The following FHIT variants were observed in gnomAD, a reference collection of about 807,000 sequenced individuals.
FHIT encodes the protein fragile histidine triad diadenosine triphosphatase.
In FHIT, 19 loss-of-function variants were observed where a neutral mutation model predicts 17.9. That is an observed-to-expected ratio of 1.06 (90% CI 0.74 to 1.56). The LOEUF (loss-of-function observed/expected upper bound fraction) is 1.56. Among genes scored for constraint, FHIT ranks in the 40% most tolerant of loss-of-function variants. The pLI, the probability that FHIT is intolerant of heterozygous loss-of-function variation, is 0.00. For synonymous variants in FHIT, 81 were observed against 69.7 expected (o/e 1.16, Z -0.81); for missense variants, 248 against 189.2 (o/e 1.31, Z -1.82).
At chr3:61,186,550 C>T (rs80253929) in intron 2 of FHIT, among the ~76,000 whole-genome samples, 5,266 of 152,248 alleles carry the variant, frequency 0.035, 128 homozygotes, top group Non-Finnish European at 0.048. Flanking sequence ...AGGTGAGAGG[C>T]TATGAGGATC....
chr3:60,096,091 C>T (rs1703936509), intron 5 of FHIT, among the ~76,000 whole-genome samples: 1 of 152,212 alleles, frequency 6.6e-6, no homozygotes, highest in South Asian at 2.1e-4. Flanking sequence ...GCCCAGGCCT[C>T]ACTCGGCCAT....
rs796455595 is a variant in FHIT at position 60,441,793 on chromosome 3, T to A, written c.103+95067A>T. The stretch of plus-strand genomic sequence containing the variant: ...ATTTATATGTATAAAAATATATATA[T>A]ATATATATATATATATATATATCAG... On this transcript the variant is annotated intron_variant, in intron 5 of 9. Coordinates refer to ENST00000492590, the MANE Select transcript of FHIT (RefSeq NM_002012.4). 4.1e-3 allele frequency among the ~76,000 whole-genome samples: 451 copies of A among 111,084 alleles called. 6 individuals are homozygous for A. Among genetic ancestry groups the A allele is most frequent in the East Asian group, 0.031 (69 of 2,206 alleles). 72.9% of individuals were successfully genotyped at this position (111,084 alleles called of 152,430 possible).
intron 4 of FHIT, among the ~76,000 whole-genome samples, chr3:60,611,472 T>A (rs533290014): frequency 4.7e-4 from 72 of 152,180 alleles, no homozygotes; most frequent in African/African-American, 1.7e-3. Context: ...CATGCAAAAA[T>A]TCAAAAAACT....
chr3:59,908,181 G>A (rs932247036), intron 8 of FHIT, among the ~76,000 whole-genome samples: 1 of 152,226 alleles, frequency 6.6e-6, no homozygotes, highest in Non-Finnish European at 1.5e-5. Context: ...CTGACTCACT[G>A]CAAGCCATCC....
At chr3:60,035,789 A>ACTCAGAACTAC (rs1701191642) in intron 5 of FHIT, among the ~76,000 whole-genome samples, 1 of 152,174 alleles carries the variant, frequency 6.6e-6, no homozygotes, top group Admixed American at 6.5e-5. Context: ...TTTGCTATGT[A>ACTCAGAACTAC]TTTCCTCATA....
At chr3:60,625,018 C>G (rs1309700078) in intron 4 of FHIT, among the ~76,000 whole-genome samples, 1 of 152,158 alleles carries the variant, frequency 6.6e-6, no homozygotes, top group East Asian at 1.9e-4. Flanking sequence ...AAGCAATCCT[C>G]CCACTTCAGC....
chr3:61,157,361 A>G (rs1292377723), intron 2 of FHIT, among the ~76,000 whole-genome samples: 2 of 152,294 alleles, frequency 1.3e-5, no homozygotes, highest in East Asian at 3.9e-4. Context: ...ACCATCCTGC[A>G]AATTCACTTC....
chr3:60,291,707 T>C (rs191458352), intron 5 of FHIT, among the ~76,000 whole-genome samples: 14 of 152,306 alleles, frequency 9.2e-5, no homozygotes, highest in African/African-American at 2.9e-4. Context: ...TTCCACTTCC[T>C]GTGTCAAAAT....
intron 5 of FHIT, among the ~76,000 whole-genome samples, chr3:60,105,777 A>G (rs1704382127): frequency 6.6e-6 from 1 of 152,180 alleles, no homozygotes; most frequent in African/African-American, 2.4e-5. Context: ...AAAGCCCATC[A>G]TGAAGTATTT....
chr3:60,928,174 A>G (rs1306558977), intron 3 of FHIT, among the ~76,000 whole-genome samples: 1 of 152,132 alleles, frequency 6.6e-6, no homozygotes, highest in Non-Finnish European at 1.5e-5. Context: ...ACACTGCAGA[A>G]GGCCACAGGG....
chr3:60,139,654 G>A (rs964969975), intron 5 of FHIT, among the ~76,000 whole-genome samples: 2 of 152,048 alleles, frequency 1.3e-5, no homozygotes, highest in Non-Finnish European at 2.9e-5. Flanking sequence ...GGGAAAGGAG[G>A]GGCTATTCCA....
chr3:61,215,654 C>T (rs988248293), intron 1 of FHIT, among the ~76,000 whole-genome samples: 2 of 152,148 alleles, frequency 1.3e-5, no homozygotes, highest in Non-Finnish European at 2.9e-5. Flanking sequence ...CTTTAAAGTT[C>T]ATATGGAACC....
At chr3:60,757,793 T>A (rs1157293220) in intron 4 of FHIT, among the ~76,000 whole-genome samples, 1 of 152,118 alleles carries the variant, frequency 6.6e-6, no homozygotes, top group Non-Finnish European at 1.5e-5. Context: ...GGGAACAACA[T>A]GAACAGATTG....
intron 4 of FHIT, among the ~76,000 whole-genome samples, chr3:60,678,037 T>G (rs1276268251): frequency 6.6e-6 from 1 of 152,200 alleles, no homozygotes; most frequent in African/African-American, 2.4e-5. Context: ...CTGACTTTTA[T>G]TTGGATCTTT....
chr3:60,097,000 G>A (rs1703977219), intron 5 of FHIT, among the ~76,000 whole-genome samples: 1 of 140,852 alleles, frequency 7.1e-6, no homozygotes, highest in South Asian at 2.4e-4. Flanking sequence ...GGCCAACACA[G>A]TGAGACCCTA....
intron 4 of FHIT, among the ~76,000 whole-genome samples, chr3:60,575,135 G>A (rs931287959): frequency 2.6e-5 from 4 of 151,538 alleles, no homozygotes; most frequent in African/African-American, 4.8e-5. Flanking sequence ...AGGCAAGGCA[G>A]TAAGTAATAA....
intron 5 of FHIT, among the ~76,000 whole-genome samples, chr3:60,435,863 T>C (rs1389260898): frequency 6.6e-6 from 1 of 152,070 alleles, no homozygotes; most frequent in Non-Finnish European, 1.5e-5. Context: ...TATGTGTCCA[T>C]GTGTTCTCAT....
chr3:61,060,772 T>A (rs781179107), intron 2 of FHIT, among the ~76,000 whole-genome samples: 2 of 152,198 alleles, frequency 1.3e-5, no homozygotes, highest in Non-Finnish European at 2.9e-5. Context: ...CAGATTAAGC[T>A]CCAGATGGAA....
chr3:60,927,002 C>G (rs926701919), intron 3 of FHIT, among the ~76,000 whole-genome samples: 2 of 152,116 alleles, frequency 1.3e-5, no homozygotes, highest in Non-Finnish European at 2.9e-5. Flanking sequence ...TTCCACGGTG[C>G]CCCCCTCCCT....
Sources: gnomAD v4.1 joint callset for allele counts (sites outside exome capture counted in the v4.1 genomes callset) on GRCh38, gnomAD v4.1.1 for gene constraint, MANE v1.5 for transcripts, NCBI Gene and HGNC (gene_info 2026-07-23, HGNC 2026-07-21) for gene names.